EFCAB8: variants seen among roughly 807,000 people sequenced by gnomAD.
The protein encoded by EFCAB8 is EF-hand calcium-binding domain-containing protein 8.
A neutral mutation model predicts 116.3 loss-of-function variants in EFCAB8; 100 were observed. The observed-to-expected ratio is 0.86, with a 90% CI of 0.73 to 1.02. The LOEUF is 1.02. Ranked by LOEUF, EFCAB8 falls within the 50% of genes least tolerant of loss-of-function variation. The probability of loss-of-function intolerance (pLI) is 0.00; values close to 1 mark genes in which losing one functional copy is unlikely to be tolerated. For synonymous variants in EFCAB8, 558 were observed against 567.9 expected (o/e 0.98, Z 0.25); for missense variants, 1,320 against 1,416.9 (o/e 0.93, Z 1.10).
chr20:32,883,764 C>T (rs1344143654), intron 5 of EFCAB8, among the ~76,000 whole-genome samples: 2 of 152,040 alleles, frequency 1.3e-5, no homozygotes, highest in South Asian at 2.1e-4. Flanking sequence ...AATCTTGGCT[C>T]AGTGCAACCT....
At chr20:32,869,153 C>G (rs1490490770) in intron 3 of EFCAB8, among the ~76,000 whole-genome samples, 2 of 152,154 alleles carry the variant, frequency 1.3e-5, no homozygotes, top group Non-Finnish European at 2.9e-5. Flanking sequence ...CCTACAGTTC[C>G]TGGCCACGCA....
chr20:32,897,566 C>T (rs1427536737), intron 10 of EFCAB8, among the ~76,000 whole-genome samples: 1 of 151,982 alleles, frequency 6.6e-6, no homozygotes, highest in South Asian at 2.1e-4. Context: ...CCTCAGGCCC[C>T]CGAGTAGCTG....
intron 3 of EFCAB8, among the ~76,000 whole-genome samples, chr20:32,872,898 C>T (rs1984757386): frequency 6.6e-6 from 1 of 151,884 alleles, no homozygotes; most frequent in Non-Finnish European, 1.5e-5. Context: ...TCGAGACCAG[C>T]CTGGCCAACA....
intron 22 of EFCAB8, among the ~76,000 whole-genome samples, chr20:32,935,169 C>T (rs1988054260): frequency 9.9e-6 from 1 of 101,050 alleles, no homozygotes; most frequent in South Asian, 3.1e-4. Context: ...CTCTTCTCTT[C>T]TCTTTTCTTT....
chr20:32,928,274 C>T (rs187801881), intron 20 of EFCAB8, among the ~76,000 whole-genome samples: 146 of 150,202 alleles, frequency 9.7e-4, no homozygotes, highest in African/African-American at 3.3e-3. Flanking sequence ...CTTGCTCTGT[C>T]GCCCAGGCTG....
chr20:32,877,800 C>T (rs532872013), intron 4 of EFCAB8, among the ~76,000 whole-genome samples: 1 of 152,296 alleles, frequency 6.6e-6, no homozygotes, highest in Non-Finnish European at 1.5e-5. Flanking sequence ...GCATGGGCAT[C>T]TCACATCCTT....
intron 10 of EFCAB8, among the ~76,000 whole-genome samples, chr20:32,897,332 TA>T (rs926507121): frequency 6.6e-6 from 1 of 152,088 alleles, no homozygotes; most frequent in Non-Finnish European, 1.5e-5. Flanking sequence ...CTCCAGTGCC[TA>T]AAATAGTACC....
rs1351693054 is a variant in EFCAB8 at position 32,911,606 on chromosome 20, G to C, written c.1684G>C (p.Glu562Gln). The change falls in exon 16 of 27, where the codon GAG becomes CAG. Residue 562 changes from glutamate to glutamine, a missense_variant. Glu to Gln is a conservative substitution (Grantham distance 29, BLOSUM62 2). Transcript: ENST00000400522. ...GACCGCCATGGCCCTGGATGAGTCA[G>C]AGCGGTGCCTGCTCACAGGTTTGCG... The part of the protein sequence containing the change: ...EMTAMALDES[E>Q]RCLLTGLRDG... 1 of 1,551,674 alleles carries C rather than the reference G, an allele frequency of 6.4e-7. No individual in the cohort carries two copies. Among genetic ancestry groups the C allele is most frequent in the Admixed American group, 2.0e-5 (1 of 51,006 alleles).
At chr20:32,950,474 C>T (rs183678762) in intron 23 of EFCAB8, among the ~76,000 whole-genome samples, 206 of 152,280 alleles carry the variant, frequency 1.4e-3, no homozygotes, top group African/African-American at 4.9e-3. Context: ...TTTAAATAAA[C>T]CTGAGAGGGG....
chr20:32,870,120 G>A (rs1984615575), intron 3 of EFCAB8, among the ~76,000 whole-genome samples: 1 of 152,166 alleles, frequency 6.6e-6, no homozygotes, highest in African/African-American at 2.4e-5. Flanking sequence ...ACTGTGATGT[G>A]GGCAGGAAAG....
chr20:32,957,932 CTT>C (rs1236551524), intron 23 of EFCAB8, among the ~76,000 whole-genome samples: 1 of 151,592 alleles, frequency 6.6e-6, no homozygotes, highest in Non-Finnish European at 1.5e-5. Context: ...TTTTTCTTAA[CTT>C]TAAAAATCCT....
Position 32,918,514 on chromosome 20 carries a change from G to C in EFCAB8, c.2214G>C (p.Ser738=), listed in dbSNP as rs1455266279. 6.4e-7 allele frequency: 1 copy of C among 1,551,684 alleles called. No individual in the cohort carries two copies. ...ANTNLRRSLV[S]APPVMRCPRD... ...CCAACCTGAGGCGGAGCCTGGTGTC[G>C]GCTCCCCCAGTGATGCGGTGCCCGA... The change falls in exon 19 of 27, where the codon TCG becomes TCC. Residue 738 remains serine (S), a synonymous_variant. Transcript: ENST00000400522.
intron 5 of EFCAB8, among the ~76,000 whole-genome samples, chr20:32,881,252 A>G (rs1338467718): frequency 6.6e-6 from 1 of 152,108 alleles, no homozygotes; most frequent in Non-Finnish European, 1.5e-5. Flanking sequence ...GATGGAATGC[A>G]GTGGTGCGGT....
intron 1 of EFCAB8, among the ~76,000 whole-genome samples, chr20:32,862,862 A>C (rs1450109601): frequency 6.6e-6 from 1 of 151,924 alleles, no homozygotes; most frequent in Non-Finnish European, 1.5e-5. Flanking sequence ...TGAACTGTTG[A>C]CCTCAGGCAA....
chr20:32,952,869 C>T (rs73615620), intron 23 of EFCAB8, among the ~76,000 whole-genome samples: 1 of 152,132 alleles, frequency 6.6e-6, no homozygotes, highest in African/African-American at 2.4e-5. Flanking sequence ...ATTTTTAAGT[C>T]TACAGTTCAG....
chr20:32,902,328 G>C (rs12624878), intron 11 of EFCAB8, among the ~76,000 whole-genome samples: 4,303 of 152,258 alleles, frequency 0.028, 75 homozygotes, highest in East Asian at 0.08. Flanking sequence ...TTGTGGGATG[G>C]AGGGACTGGA....
chr20:32,900,279 T>C (rs2146225105), intron 11 of EFCAB8, among the ~76,000 whole-genome samples: 2 of 152,310 alleles, frequency 1.3e-5, no homozygotes, highest in Admixed American at 1.3e-4. Flanking sequence ...ACCCGAAGCT[T>C]AGGGAGGGGA....
At chr20:32,909,742 G>T (rs1446991162) in intron 14 of EFCAB8, 79 bp from the exon 15 acceptor site, 2 of 679,130 alleles carry the variant, frequency 2.9e-6, no homozygotes, top group East Asian at 6.9e-5. Context: ...TGATTTATTG[G>T]AAGTTTTTCC....
intron 20 of EFCAB8, among the ~76,000 whole-genome samples, chr20:32,929,415 AT>A (rs1266156407): frequency 6.8e-6 from 1 of 147,358 alleles, no homozygotes; most frequent in South Asian, 2.1e-4. Flanking sequence ...GATAATTGAG[AT>A]TTTTTTCTTT....
Sources: gnomAD v4.1 joint callset for allele counts (sites outside exome capture counted in the v4.1 genomes callset) on GRCh38, gnomAD v4.1.1 for gene constraint, MANE v1.5 for transcripts, NCBI Gene and HGNC (gene_info 2026-07-23, HGNC 2026-07-21) for gene names.